The following CDH18 variants were observed in gnomAD, a reference collection of about 807,000 sequenced individuals.
CDH18 encodes cadherin 18.
CDH18 carries 31 observed loss-of-function variants against 67.9 expected under a neutral mutation model. The observed-to-expected ratio is 0.46, with a 90% CI of 0.34 to 0.62. The LOEUF is 0.62. CDH18 is among the 20% of genes least tolerant of loss of function. The pLI is 0.01. For missense variants in CDH18, 890 were observed against 975.5 expected, an observed-to-expected ratio of 0.91 and a Z score of 1.17; for synonymous variants, 362 against 347.2, an observed-to-expected ratio of 1.04 and a Z score of -0.48.
At chr5:20,152,189 AAT>A (rs1380604132) in intron 2 of CDH18, among the ~76,000 whole-genome samples, 13 of 111,572 alleles carry the variant, frequency 1.2e-4, no homozygotes, top group East Asian at 2.9e-4. Context: ...AATTATATAT[AAT>A]ATATATAATT....
At chr5:20,051,455 A>C (rs1317938468) in intron 2 of CDH18, among the ~76,000 whole-genome samples, 2 of 152,020 alleles carry the variant, frequency 1.3e-5, no homozygotes, top group African/African-American at 4.8e-5. Context: ...ATGTTAAAAT[A>C]AAATAAAAAT....
intron 3 of CDH18, among the ~76,000 whole-genome samples, chr5:19,760,054 T>C (rs895974288): frequency 2.0e-5 from 3 of 152,200 alleles, no homozygotes; most frequent in African/African-American, 7.2e-5. Flanking sequence ...GCCAGAGCTC[T>C]ACGCGAGTCA....
chr5:20,001,138 T>C (rs1459173109), intron 2 of CDH18, among the ~76,000 whole-genome samples: 1 of 152,222 alleles, frequency 6.6e-6, no homozygotes, highest in Non-Finnish European at 1.5e-5. Context: ...AATTTCTTTT[T>C]ATTTTAATGC....
chr5:19,898,104 TTGCAA>T (rs1248638141), intron 2 of CDH18, among the ~76,000 whole-genome samples: 1 of 152,096 alleles, frequency 6.6e-6, no homozygotes, highest in Non-Finnish European at 1.5e-5. Flanking sequence ...ACTAAAGAGA[TTGCAA>T]TGCATTTATA....
At chr5:19,863,137 C>G (rs1045784350) in intron 2 of CDH18, among the ~76,000 whole-genome samples, 3 of 152,000 alleles carry the variant, frequency 2.0e-5, no homozygotes, top group African/African-American at 7.3e-5. Context: ...ATGCCTGGCC[C>G]TGAGATAATT....
intron 5 of CDH18, among the ~76,000 whole-genome samples, chr5:19,704,898 G>C (rs1367264239): frequency 6.6e-6 from 1 of 152,168 alleles, no homozygotes; most frequent in African/African-American, 2.4e-5. Context: ...GCCTTCTCCT[G>C]TTATAAGCCC....
At chr5:20,167,125 T>C (rs1241877959) in intron 2 of CDH18, among the ~76,000 whole-genome samples, 2 of 152,162 alleles carry the variant, frequency 1.3e-5, no homozygotes, top group African/African-American at 2.4e-5. Context: ...ATCCATATTA[T>C]ATGATTATCA....
At chr5:19,519,476 T>C (rs545275513) in intron 10 of CDH18, among the ~76,000 whole-genome samples, 1 of 152,184 alleles carries the variant, frequency 6.6e-6, no homozygotes, top group South Asian at 2.1e-4. Flanking sequence ...AGAAAGGGCA[T>C]ATTTTGACCT....
chr5:20,291,338 G>A (rs781429562), intron 1 of CDH18, among the ~76,000 whole-genome samples: 12 of 151,980 alleles, frequency 7.9e-5, no homozygotes, highest in African/African-American at 2.9e-4. Flanking sequence ...TAAGAGAGTC[G>A]GTCTGTGGAA....
At chr5:20,005,702 A>G (rs1736845878) in intron 2 of CDH18, among the ~76,000 whole-genome samples, 1 of 152,020 alleles carries the variant, frequency 6.6e-6, no homozygotes, top group Admixed American at 6.6e-5. Context: ...TAAACAAAAG[A>G]AAGACACTGA....
At chr5:19,681,047 T>C (rs1760236936) in intron 5 of CDH18, among the ~76,000 whole-genome samples, 1 of 151,740 alleles carries the variant, frequency 6.6e-6, no homozygotes. Flanking sequence ...AAAAAGAAAA[T>C]ATGGTACATA....
At chr5:19,723,194 G>A (rs1245663446) in intron 4 of CDH18, among the ~76,000 whole-genome samples, 3 of 151,992 alleles carry the variant, frequency 2.0e-5, no homozygotes, top group East Asian at 1.9e-4. Flanking sequence ...GCTTGAACCT[G>A]GGAGGTGGAG....
At position 20,416,808 on chromosome 5, in the gene CDH18, A is replaced by G. The variant is rs115036489; in HGVS notation, c.-580+158654T>C. 8.8e-3 allele frequency among the ~76,000 whole-genome samples: 1,340 copies of G among 152,234 alleles called. 8 individuals are homozygous for G. The highest frequency in any genetic ancestry group is 0.037 in the Middle Eastern group (11 of 294). The stretch of plus-strand genomic sequence containing the variant: ...GGTTCTTTACAGCATGAGAAAACTT[A>G]AAGATAATTTGGAGATATGCCCTGA... On this transcript the variant is annotated intron_variant, in intron 1 of 14. Coordinates refer to the CDH18 transcript ENST00000507958.
intron 6 of CDH18, among the ~76,000 whole-genome samples, chr5:19,608,146 T>G (rs1170839508): frequency 1.3e-5 from 2 of 151,680 alleles, no homozygotes; most frequent in African/African-American, 2.4e-5. Context: ...GGAATAAACT[T>G]GAATGAAATT....
At chr5:20,096,548 G>T (rs1212768331) in intron 2 of CDH18, among the ~76,000 whole-genome samples, 1 of 151,984 alleles carries the variant, frequency 6.6e-6, no homozygotes, top group Non-Finnish European at 1.5e-5. Flanking sequence ...AATATGCATG[G>T]CTTTAAAAGA....
intron 2 of CDH18, among the ~76,000 whole-genome samples, chr5:19,885,673 G>C (rs1788115959): frequency 6.6e-6 from 1 of 152,068 alleles, no homozygotes; most frequent in African/African-American, 2.4e-5. Flanking sequence ...TAATCCTCCT[G>C]TTTCAGCCTC....
chr5:19,634,960 A>AG lies in CDH18; in HGVS notation c.644-22360_644-22359insC, dbSNP rs537998541. On this transcript the variant is annotated intron_variant, in intron 5 of 12. Coordinates refer to ENST00000382275, the MANE Select transcript of CDH18 (RefSeq NM_004934.5). ...CTCAAAAAAAAAAAAAAAGAAAGAA[A>AG]AAAAAGAATGTATTTGGTGGGTGCT... Among the ~76,000 whole-genome samples the AG allele has an allele frequency of 2.8e-3, 427 of 152,112 alleles. 2 individuals are homozygous for AG. Among genetic ancestry groups the AG allele is most frequent in the African/African-American group, 0.01 (415 of 41,496 alleles).
At chr5:20,315,292 A>G (rs1193022329) in intron 1 of CDH18, among the ~76,000 whole-genome samples, 1 of 151,930 alleles carries the variant, frequency 6.6e-6, no homozygotes, top group Non-Finnish European at 1.5e-5. Context: ...GCTACTCTTC[A>G]TTGCTTCTAG....
intron 2 of CDH18, among the ~76,000 whole-genome samples, chr5:20,253,832 A>T (rs1744036426): frequency 6.6e-6 from 1 of 152,184 alleles, no homozygotes; most frequent in African/African-American, 2.4e-5. Context: ...ATTTGAAGAT[A>T]TAGTCCACAA....
Sources: allele counts gnomAD v4.1 joint callset (sites outside exome capture counted in the v4.1 genomes callset), GRCh38; gene constraint gnomAD v4.1.1; transcripts MANE v1.5; gene names NCBI Gene and HGNC (gene_info 2026-07-23, HGNC 2026-07-21).